COL4A6: variants seen among roughly 807,000 people sequenced by gnomAD.
COL4A6 encodes collagen alpha-6(IV) chain.
A neutral mutation model predicts 126.7 loss-of-function variants in COL4A6; 59 were observed. The ratio of observed to expected loss-of-function variants is 0.47; its 90% CI spans 0.38 to 0.58. The LOEUF is 0.58. Among genes scored for constraint, COL4A6 ranks in the 20% least tolerant of loss-of-function variants. The probability of loss-of-function intolerance (pLI) is 0.00; values close to 1 mark genes in which losing one functional copy is unlikely to be tolerated. For missense variants in COL4A6, 1,285 were observed against 1,337.3 expected (o/e 0.96, Z 0.61); for synonymous variants, 547 against 496.6 (o/e 1.10, Z -1.35).
Position 108,174,630 on chromosome X carries a change from GAAAT to G in COL4A6, c.2957-13_2957-10del, listed in dbSNP as rs763597651. 8.8e-7 allele frequency: 1 copy of G among 1,142,169 alleles called. No homozygotes were observed. Among genetic ancestry groups the G allele is most frequent in the East Asian group, 3.1e-5 (1 of 32,155 alleles). The allele number at this position is 1,142,169 out of a possible 1,213,427, so 94.1% of individuals were successfully genotyped here. ...AGCCTCTCCTTTGTCACCTGTAAAA[GAAAT>G]AAAAAGACTTGGAAAAAGACACTGG... On this transcript the variant is annotated splice_polypyrimidine_tract_variant and intron_variant, in intron 30 of 44. Coordinates refer to ENST00000334504, the MANE Select transcript of COL4A6 (RefSeq NM_033641.4).
intron 15 of COL4A6, 116 bp from the exon 16 acceptor site, chrX:108,194,703 A>T: frequency 1.4e-6 from 1 of 711,001 alleles, no homozygotes; most frequent in South Asian, 2.7e-5. Context: ...TGCAGGGTAT[A>T]TGTGGCTTCT....
In COL4A6 at chrX:108,157,161, C is replaced by T. The variant is rs760794179; in HGVS notation, c.4912G>A (p.Ala1638Thr). 8.3e-7 allele frequency: 1 copy of T among 1,212,090 alleles called. No individual in the cohort carries two copies. Among genetic ancestry groups the T allele is most frequent in the Admixed American group, 2.2e-5 (1 of 46,089 alleles). ...RATPFIECSGARGTCHYFANK... is the reference protein window; with the variant it reads ...RATPFIECSGTRGTCHYFANK... ...GCAAAGTAGTGGCAGGTGCCTCGGG[C>T]ACCACTGCATTCGATGAAAGGAGTG... The change falls in exon 45 of 45, where the codon GCC becomes ACC. Residue 1638 changes from alanine to threonine, a missense_variant. By Grantham distance (58) the Ala-to-Thr change is moderately conservative. Coordinates refer to ENST00000334504, the MANE Select transcript of COL4A6 (RefSeq NM_033641.4).
At chrX:108,394,868 G>A (rs1213263328) in intron 2 of COL4A6, among the ~76,000 whole-genome samples, 1 of 111,249 alleles carries the variant, frequency 9.0e-6, no homozygotes, top group Admixed American at 9.6e-5. Flanking sequence ...GAAGTTAGAA[G>A]CAAGTCTGGT....
At chrX:108,423,561 G>T (rs192534942) in intron 2 of COL4A6, among the ~76,000 whole-genome samples, 134 of 111,488 alleles carry the variant, frequency 1.2e-3, no homozygotes, top group African/African-American at 4.2e-3. Flanking sequence ...CTAACATTCT[G>T]GTTCCAGCAC....
At chrX:108,164,003 G>T (rs889295716) in intron 40 of COL4A6, among the ~76,000 whole-genome samples, 1 of 111,644 alleles carries the variant, frequency 9.0e-6, no homozygotes, top group East Asian at 2.8e-4. Context: ...CATCACACAG[G>T]GCTTTGCGTG....
intron 3 of COL4A6, among the ~76,000 whole-genome samples, 181 bp downstream of exon 3, chrX:108,310,567 A>T (rs1430494631): frequency 8.9e-6 from 1 of 112,413 alleles, no homozygotes; most frequent in Non-Finnish European, 1.9e-5. Context: ...GGTACCTCAG[A>T]GAGTTTGACC....
rs1442343054 is a variant in COL4A6 at position 108,416,398 on chromosome X, C to G, written c.63+21544G>C. On this transcript the variant is annotated intron_variant, in intron 2 of 44. Transcript: ENST00000334504. Reference sequence around the variant, plus strand: ...CTCACCCCAATCATGTTCCCTGCTCCAAAACTATCTTTTATCTTTTTAAAA... The same window carrying G: ...CTCACCCCAATCATGTTCCCTGCTCGAAAACTATCTTTTATCTTTTTAAAA... 2.7e-5 allele frequency among the ~76,000 whole-genome samples: 3 copies of G among 112,082 alleles called. No homozygotes were observed. The East Asian group carries it at 8.3e-4, about 31-fold the overall frequency.
At chrX:108,197,748 TTTCA>T (rs1289029833) in intron 13 of COL4A6, among the ~76,000 whole-genome samples, 4 of 99,582 alleles carry the variant, frequency 4.0e-5, no homozygotes. Context: ...TGTGGGTTGT[TTTCA>T]TTGTCTTTTT....
At chrX:108,330,709 G>GT (rs1254973802) in intron 2 of COL4A6, among the ~76,000 whole-genome samples, 1 of 110,909 alleles carries the variant, frequency 9.0e-6, no homozygotes, top group African/African-American at 3.3e-5. Context: ...CTGTGTGCCC[G>GT]TTTTCACTCC....
At chrX:108,186,635 T>G (rs952603580) in intron 23 of COL4A6, among the ~76,000 whole-genome samples, 1 of 111,935 alleles carries the variant, frequency 8.9e-6, no homozygotes, top group African/African-American at 3.2e-5. Context: ...AATGGGGGAT[T>G]AGACTATAAG....
At chrX:108,231,361 T>C (rs1396934834) in intron 3 of COL4A6, among the ~76,000 whole-genome samples, 1 of 112,462 alleles carries the variant, frequency 8.9e-6, no homozygotes, top group Non-Finnish European at 1.9e-5. Flanking sequence ...GGAAGACATA[T>C]CCCGACTGAT....
At chrX:108,357,064 C>G (rs975267686) in intron 2 of COL4A6, among the ~76,000 whole-genome samples, 3 of 112,086 alleles carry the variant, frequency 2.7e-5, no homozygotes, top group East Asian at 2.8e-4. Flanking sequence ...AGGCTGTTCT[C>G]TATTCCTTTT....
chrX:108,334,841 T>A (rs998113948), intron 2 of COL4A6, among the ~76,000 whole-genome samples: 10 of 111,792 alleles, frequency 8.9e-5, no homozygotes, highest in Non-Finnish European at 1.9e-4. Flanking sequence ...ATTTACCTCA[T>A]AACAGAGTTG....
In COL4A6 at chrX:108,187,943, C is replaced by T. The variant is rs2034921860; in HGVS notation, c.1672G>A (p.Asp558Asn). ...CCCTGGGAGCCAGAATCACCCCGAT[C>T]TCCTGGCATTCCTTGGATTGTACTG... Reference protein sequence around the residue: ...ILSTIQGMPGDRGDSGSQGFR... With the variant: ...ILSTIQGMPGNRGDSGSQGFR... The change falls in exon 22 of 45, where the codon GAT becomes AAT. Residue 558 changes from aspartate to asparagine, a missense_variant. Coordinates refer to ENST00000334504, the MANE Select transcript of COL4A6 (RefSeq NM_033641.4). 8.3e-7 allele frequency: 1 copy of T among 1,210,032 alleles called. No individual in the cohort carries two copies. The highest frequency in any genetic ancestry group is 3.0e-5 in the East Asian group (1 of 33,808).
intron 2 of COL4A6, among the ~76,000 whole-genome samples, chrX:108,370,256 C>T (rs1052428082): frequency 8.9e-6 from 1 of 111,826 alleles, no homozygotes; most frequent in African/African-American, 3.3e-5. Context: ...AGTCTAAAAA[C>T]CTTGGGGGTG....
At chrX:108,364,491 T>C (rs1213137446) in intron 2 of COL4A6, among the ~76,000 whole-genome samples, 1 of 111,437 alleles carries the variant, frequency 9.0e-6, no homozygotes, top group African/African-American at 3.3e-5. Flanking sequence ...CATGGATATA[T>C]TGCAGAGTGG....
chrX:108,168,085 T>C (rs1045659903), intron 37 of COL4A6, among the ~76,000 whole-genome samples: 1 of 112,726 alleles, frequency 8.9e-6, no homozygotes, highest in Non-Finnish European at 1.9e-5. Flanking sequence ...TTGTTTTTTG[T>C]TTAGTGCTAT....
At chrX:108,287,239 A>G (rs1048436829) in intron 3 of COL4A6, among the ~76,000 whole-genome samples, 3 of 112,110 alleles carry the variant, frequency 2.7e-5, no homozygotes, top group Non-Finnish European at 5.6e-5. Flanking sequence ...TTGTAATCCT[A>G]TAATCTGTGT....
chrX:108,418,836 A>G (rs963594421), intron 2 of COL4A6, among the ~76,000 whole-genome samples: 32 of 112,201 alleles, frequency 2.9e-4, no homozygotes, highest in African/African-American at 9.7e-4. Flanking sequence ...TAAAAACCCA[A>G]TGATGTATCC....
Sources: gnomAD v4.1 joint callset for allele counts (sites outside exome capture counted in the v4.1 genomes callset) on GRCh38, gnomAD v4.1.1 for gene constraint, MANE v1.5 for transcripts, NCBI Gene and HGNC (gene_info 2026-07-23, HGNC 2026-07-21) for gene names.